TEAD1: variants seen among roughly 807,000 people sequenced by gnomAD.
TEAD1 encodes TEA domain transcription factor 1, also known as transcriptional enhancer factor TEF-1.
TEAD1 carries 9 observed loss-of-function variants against 54.9 expected under a neutral mutation model. That is an observed-to-expected ratio of 0.16 (90% CI 0.10 to 0.29). TEAD1 has a LOEUF of 0.29. Ranked by LOEUF, TEAD1 falls within the 10% of genes least tolerant of loss-of-function variation. The pLI is 1.00. For missense variants in TEAD1, 387 were observed against 535.9 expected (o/e 0.72, Z 2.74); for synonymous variants, 200 against 187.8 (o/e 1.07, Z -0.53).
At chr11:12,929,231 T>A (rs1156711164) in intron 11 of TEAD1, among the ~76,000 whole-genome samples, 4 of 150,362 alleles carry the variant, frequency 2.7e-5, no homozygotes, top group African/African-American at 4.9e-5. Context: ...AATAATCTCT[T>A]ATGTATCTTC....
At chr11:12,873,938 T>C (rs183366346) in intron 5 of TEAD1, among the ~76,000 whole-genome samples, 1 of 152,376 alleles carries the variant, frequency 6.6e-6, no homozygotes, top group East Asian at 1.9e-4. Flanking sequence ...TCCCTTGCAC[T>C]ATATTGCTGG....
At chr11:12,695,822 T>G (rs1943568758) in intron 2 of TEAD1, among the ~76,000 whole-genome samples, 1 of 152,222 alleles carries the variant, frequency 6.6e-6, no homozygotes, top group Admixed American at 6.5e-5. Flanking sequence ...GCTTGAGTTC[T>G]GTTTGTGTGT....
At chr11:12,801,122 A>G (rs191867106) in intron 3 of TEAD1, among the ~76,000 whole-genome samples, 2 of 152,372 alleles carry the variant, frequency 1.3e-5, no homozygotes, top group African/African-American at 2.4e-5. Flanking sequence ...GCCTTATTAA[A>G]AAGCTGCCAT....
At chr11:12,899,040 A>G (rs1222603811) in intron 9 of TEAD1, among the ~76,000 whole-genome samples, 1 of 152,146 alleles carries the variant, frequency 6.6e-6, no homozygotes, top group Non-Finnish European at 1.5e-5. Flanking sequence ...CAGCTTCTCA[A>G]CTTCACCCCA....
At chr11:12,805,745 A>G (rs1946156583) in intron 3 of TEAD1, among the ~76,000 whole-genome samples, 1 of 152,232 alleles carries the variant, frequency 6.6e-6, no homozygotes, top group African/African-American at 2.4e-5. Flanking sequence ...GTGATTAGAT[A>G]AAGATTAGTA....
At chr11:12,901,606 A>G (rs1316442541) in intron 9 of TEAD1, among the ~76,000 whole-genome samples, 1 of 152,052 alleles carries the variant, frequency 6.6e-6, no homozygotes, top group East Asian at 1.9e-4. Context: ...TATCACTTTC[A>G]TTTTCAGTTG....
At chr11:12,865,437 A>G (rs1947597474) in intron 5 of TEAD1, 1 of 158,032 alleles carries the variant, frequency 6.3e-6, no homozygotes, top group African/African-American at 2.4e-5. Context: ...CTTCCCTCAG[A>G]GTATTTTCAG....
intron 3 of TEAD1, among the ~76,000 whole-genome samples, chr11:12,853,302 G>A (rs1480559864): frequency 6.6e-6 from 1 of 152,128 alleles, no homozygotes; most frequent in Non-Finnish European, 1.5e-5. Flanking sequence ...TGGTCGTGGT[G>A]GTGGTGTGTC....
At chr11:12,686,557 G>A (rs1247382076) in intron 2 of TEAD1, among the ~76,000 whole-genome samples, 2 of 151,266 alleles carry the variant, frequency 1.3e-5, no homozygotes, top group South Asian at 4.2e-4. Context: ...TTTTTTTTTA[G>A]TGGTATTCTG....
chr11:12,760,424 C>G (rs1945076829), intron 2 of TEAD1, among the ~76,000 whole-genome samples: 1 of 152,148 alleles, frequency 6.6e-6, no homozygotes, highest in Admixed American at 6.5e-5. Flanking sequence ...GGCTTAAGGG[C>G]GAGTAGGTTT....
At chr11:12,712,309 C>CT (rs1487020995) in intron 2 of TEAD1, among the ~76,000 whole-genome samples, 1 of 152,192 alleles carries the variant, frequency 6.6e-6, no homozygotes, top group Non-Finnish European at 1.5e-5. Context: ...TCCTACCACT[C>CT]TGACTATGGC....
At chr11:12,777,968 A>C (rs1235587957) in intron 3 of TEAD1, among the ~76,000 whole-genome samples, 2 of 152,244 alleles carry the variant, frequency 1.3e-5, no homozygotes, top group African/African-American at 4.8e-5. Context: ...GTGATGTGAC[A>C]GTCAAAATAA....
intron 12 of TEAD1, among the ~76,000 whole-genome samples, chr11:12,935,093 C>T (rs887670885): frequency 6.6e-6 from 1 of 152,150 alleles, no homozygotes; most frequent in Admixed American, 6.5e-5. Flanking sequence ...GGTTCTGATG[C>T]AGGAGGCAGG....
intron 7 of TEAD1, 91 bp downstream of exon 7, chr11:12,881,142 C>G: frequency 7.0e-7 from 1 of 1,425,988 alleles, no homozygotes; most frequent in Non-Finnish European, 9.9e-7. Flanking sequence ...GTCTCAGGGC[C>G]TGGAGGAGAA....
intron 9 of TEAD1, among the ~76,000 whole-genome samples, chr11:12,901,309 A>T (rs1948422360): frequency 1.3e-5 from 2 of 152,178 alleles, no homozygotes; most frequent in African/African-American, 4.8e-5. Context: ...GTTCTTTTTC[A>T]TCAGCCATGT....
chr11:12,826,672 TAG>T (rs1480226835), intron 3 of TEAD1, among the ~76,000 whole-genome samples: 2 of 152,174 alleles, frequency 1.3e-5, no homozygotes, highest in Non-Finnish European at 2.9e-5. Flanking sequence ...ATCTGCAAAA[TAG>T]AGATAAGAAA....
At chr11:12,751,723 C>T (rs188016166) in intron 2 of TEAD1, among the ~76,000 whole-genome samples, 91 of 152,046 alleles carry the variant, frequency 6.0e-4, no homozygotes, top group Admixed American at 9.8e-4. Context: ...GTTTCAGAAT[C>T]ATTTTAAGGC....
chr11:12,685,572 C>T (rs1159091269), intron 2 of TEAD1, among the ~76,000 whole-genome samples: 1 of 152,088 alleles, frequency 6.6e-6, no homozygotes, highest in Non-Finnish European at 1.5e-5. Flanking sequence ...AGAAGAGTTT[C>T]TACCAGTTGG....
At chr11:12,781,954 A>G (rs1256297492) in intron 3 of TEAD1, among the ~76,000 whole-genome samples, 2 of 142,502 alleles carry the variant, frequency 1.4e-5, no homozygotes, top group Non-Finnish European at 3.0e-5. Context: ...GTCTGTACAA[A>G]AAAAAAAAAA....
Sources: allele counts gnomAD v4.1 joint callset (sites outside exome capture counted in the v4.1 genomes callset), GRCh38; gene constraint gnomAD v4.1.1; transcripts MANE v1.5; gene names NCBI Gene and HGNC (gene_info 2026-07-23, HGNC 2026-07-21).